The following GALNT13 variants were observed in gnomAD, a reference collection of about 807,000 sequenced individuals.
GALNT13 encodes the protein UDP-GalNAc:polypeptide N-acetylgalactosaminyltransferase 13.
In GALNT13, 28 loss-of-function variants were observed where a neutral mutation model predicts 64.2. The observed-to-expected ratio is 0.44, with a 90% CI of 0.32 to 0.60. GALNT13 has a LOEUF of 0.60. GALNT13 is among the 20% of genes least tolerant of loss of function. The pLI, the probability that GALNT13 is intolerant of heterozygous loss-of-function variation, is 0.05. For synonymous variants in GALNT13, 214 were observed against 224.6 expected, an observed-to-expected ratio of 0.95 and a Z score of 0.42; for missense variants, 577 against 669.8, an observed-to-expected ratio of 0.86 and a Z score of 1.53.
At chr2:153,546,044 C>A in the GALNT13 span, among the ~76,000 whole-genome samples, 6 of 152,164 alleles carry the variant, frequency 3.9e-5, no homozygotes, top group African/African-American at 1.4e-4. Context: ...TTCCTCATTC[C>A]CACCATCCTG....
intron 9 of GALNT13, among the ~76,000 whole-genome samples, chr2:154,359,216 C>T (rs1048449256): frequency 5.3e-5 from 8 of 151,938 alleles, no homozygotes; most frequent in African/African-American, 1.9e-4. Context: ...GAAACTAGAC[C>T]GGGTATCCTA....
the GALNT13 span, among the ~76,000 whole-genome samples, chr2:153,193,661 A>AC: frequency 0.04 from 6,005 of 151,896 alleles, 372 homozygotes; most frequent in African/African-American, 0.13. Flanking sequence ...ATAAAAAAAA[A>AC]AACTTTTGAA....
At chr2:153,200,665 AG>A in the GALNT13 span, among the ~76,000 whole-genome samples, 2 of 152,384 alleles carry the variant, frequency 1.3e-5, no homozygotes, top group East Asian at 3.9e-4. Context: ...AAAACTCAAT[AG>A]AAAGAACAGG....
At chr2:153,909,960 G>C (rs1347990885) in intron 2 of GALNT13, among the ~76,000 whole-genome samples, 1 of 152,056 alleles carries the variant, frequency 6.6e-6, no homozygotes. Flanking sequence ...AGTTGGGGAG[G>C]AGTCCCTCTT....
chr2:154,240,861 TAG>T (rs1412341251), intron 4 of GALNT13, among the ~76,000 whole-genome samples: 3 of 152,008 alleles, frequency 2.0e-5, no homozygotes, highest in Non-Finnish European at 2.9e-5. Context: ...TGAGTGGAGG[TAG>T]CTCTCAGCAG....
At chr2:153,609,087 T>TG in the GALNT13 span, among the ~76,000 whole-genome samples, 2 of 144,934 alleles carry the variant, frequency 1.4e-5, no homozygotes, top group African/African-American at 2.7e-5. Flanking sequence ...CAGCTAAGTT[T>TG]TTTTGTTTGT....
At chr2:154,006,334 T>G (rs1239366940) in intron 3 of GALNT13, among the ~76,000 whole-genome samples, 1 of 152,228 alleles carries the variant, frequency 6.6e-6, no homozygotes, top group Non-Finnish European at 1.5e-5. Context: ...TGTGGGGTAT[T>G]GTAAATCAAA....
the GALNT13 span, among the ~76,000 whole-genome samples, chr2:153,434,646 G>A: frequency 1.7e-4 from 26 of 152,158 alleles, no homozygotes; most frequent in Admixed American, 1.3e-4. Flanking sequence ...GTGTCTGTTC[G>A]TATACTTTGC....
At chr2:153,229,645 T>C in the GALNT13 span, among the ~76,000 whole-genome samples, 4 of 152,228 alleles carry the variant, frequency 2.6e-5, no homozygotes, top group African/African-American at 9.6e-5. Flanking sequence ...GCTATATACT[T>C]TCCTTTCTGC....
the GALNT13 span, among the ~76,000 whole-genome samples, chr2:153,848,985 C>CA: frequency 0.86 from 130,425 of 150,920 alleles, 57,418 homozygotes; most frequent in Middle Eastern, 0.95. Context: ...AAGGACTTTA[C>CA]AAAAAAAAGA....
intron 8 of GALNT13, among the ~76,000 whole-genome samples, chr2:154,271,059 A>G (rs1475438256): frequency 1.3e-5 from 2 of 151,960 alleles, no homozygotes; most frequent in Non-Finnish European, 2.9e-5. Context: ...GGATGTAGAT[A>G]CTAACATTAG....
intron 9 of GALNT13, among the ~76,000 whole-genome samples, chr2:154,324,163 C>T (rs1416479310): frequency 2.6e-5 from 4 of 151,954 alleles, no homozygotes; most frequent in African/African-American, 9.6e-5. Flanking sequence ...GAGAATTCCT[C>T]GATTTTGTTG....
chr2:153,261,528 C>A, the GALNT13 span, among the ~76,000 whole-genome samples: 27 of 152,174 alleles, frequency 1.8e-4, no homozygotes, highest in African/African-American at 6.3e-4. Context: ...TTCCCTCAAA[C>A]AAATGGAGCC....
intron 2 of GALNT13, among the ~76,000 whole-genome samples, chr2:153,940,260 C>CT (rs35641791): frequency 0.018 from 2,383 of 129,218 alleles, 31 homozygotes; most frequent in Non-Finnish European, 0.028. Context: ...AAGTTTTTGT[C>CT]TTTTTTTTTT....
the GALNT13 span, among the ~76,000 whole-genome samples, chr2:153,311,315 C>T: frequency 4.2e-3 from 633 of 152,040 alleles, 19 homozygotes; most frequent in East Asian, 0.087. Context: ...ACTTGGAAGA[C>T]GCAAATGGAA....
the GALNT13 span, among the ~76,000 whole-genome samples, chr2:153,616,553 C>T: frequency 4.6e-5 from 7 of 152,042 alleles, no homozygotes; most frequent in East Asian, 9.7e-4. Context: ...TTCTTCCAAT[C>T]CATGAACAAG....
chr2:153,633,364 CATT>C, the GALNT13 span, among the ~76,000 whole-genome samples: 1 of 152,142 alleles, frequency 6.6e-6, no homozygotes, highest in Admixed American at 6.6e-5. Context: ...TAAAATAAGA[CATT>C]ATCTCACCAA....
chr2:153,702,413 G>A, the GALNT13 span, among the ~76,000 whole-genome samples: 19 of 152,126 alleles, frequency 1.2e-4, no homozygotes, highest in Admixed American at 2.0e-4. Context: ...CATGGCACAC[G>A]TGTACCTGTG....
the GALNT13 span, among the ~76,000 whole-genome samples, chr2:153,484,486 A>G: frequency 6.6e-6 from 1 of 152,192 alleles, no homozygotes; most frequent in East Asian, 1.9e-4. Flanking sequence ...TTACAAATTG[A>G]AATTTTTAGT....
Sources: allele counts gnomAD v4.1 joint callset (sites outside exome capture counted in the v4.1 genomes callset), GRCh38; gene constraint gnomAD v4.1.1; transcripts MANE v1.5; gene names NCBI Gene and HGNC (gene_info 2026-07-23, HGNC 2026-07-21).